Variants in DLG5 observed in about 807,000 individuals in gnomAD.
The protein encoded by DLG5 is discs large MAGUK scaffold protein 5.
DLG5 carries 48 observed loss-of-function variants against 189.8 expected under a neutral mutation model. The ratio of observed to expected loss-of-function variants is 0.25; its 90% CI spans 0.20 to 0.32. DLG5 has a LOEUF of 0.32. Ranked by LOEUF, DLG5 falls within the 10% of genes least tolerant of loss-of-function variation. DLG5 has a pLI of 1.00. For missense variants in DLG5, 2,160 were observed against 2,544.7 expected (o/e 0.85, Z 3.25); for synonymous variants, 1,016 against 1,054.1 (o/e 0.96, Z 0.70).
At chr10:77,845,721 T>C (rs933816707) in intron 5 of DLG5, among the ~76,000 whole-genome samples, 1 of 151,942 alleles carries the variant, frequency 6.6e-6, no homozygotes, top group East Asian at 1.9e-4. Context: ...TCTTTTTCCT[T>C]TATTTATTTT....
intron 17 of DLG5, 137 bp downstream of exon 17, chr10:77,819,184 G>C: frequency 7.8e-7 from 1 of 1,279,706 alleles, no homozygotes; most frequent in South Asian, 1.3e-5. Flanking sequence ...CCCTTTCCCT[G>C]TGCTGCTCTA....
At chr10:77,868,443 C>A in intron 2 of DLG5, 1 of 282,412 alleles carries the variant, frequency 3.5e-6, no homozygotes, top group Non-Finnish European at 7.0e-6. Context: ...AGGCATGTGA[C>A]TCCCCCTCCC....
At chr10:77,927,439 C>T (rs1846735743), upstream of DLG5, 1 of 152,248 alleles carries the variant, frequency 6.6e-6, no homozygotes, top group African/African-American at 2.4e-5. Context: ...TTAAGACCTC[C>T]GCCGAATCCG....
intron 26 of DLG5, 40 bp downstream of exon 26, chr10:77,806,718 A>ACGCCCC: frequency 4.5e-6 from 6 of 1,333,650 alleles, no homozygotes; most frequent in African/African-American, 1.4e-5. Context: ...GCCCTCGGCG[A>ACGCCCC]CCCCTGCCCC....
At position 77,807,840 on chromosome 10, in the gene DLG5, C is replaced by T; in HGVS notation, c.4752G>A (p.Glu1584=). 1 of 1,614,068 alleles carries T rather than the reference C, an allele frequency of 6.2e-7. No individual in the cohort carries two copies. The highest frequency in any genetic ancestry group is 8.5e-7 in the Non-Finnish European group (1 of 1,179,934). The change falls in exon 25 of 32, where the codon GAG becomes GAA. Residue 1584 remains glutamate (E), a synonymous_variant. Coordinates refer to ENST00000372391, the MANE Select transcript of DLG5 (RefSeq NM_004747.4). The part of the protein sequence containing the change: ...VRLKVQYRPE[E]FTKAKGLPGD... ...CAGGCAGGCCCTTGGCCTTCGTGAA[C>T]TCCTCAGGGCGGTACTGCACCTTCA...
At chr10:77,886,479 G>A (rs911039379) in intron 1 of DLG5, among the ~76,000 whole-genome samples, 8 of 149,778 alleles carry the variant, frequency 5.3e-5, no homozygotes, top group East Asian at 4.0e-4. Context: ...TCAACCTCCC[G>A]AGTAGCTGGG....
At chr10:77,912,660 T>G (rs1216992401) in intron 1 of DLG5, 1 of 152,258 alleles carries the variant, frequency 6.6e-6, no homozygotes, top group Non-Finnish European at 1.5e-5. Flanking sequence ...AGAGTGGTTT[T>G]TACTCGCCAC....
chr10:77,882,758 A>AC (rs2154577409), intron 1 of DLG5, among the ~76,000 whole-genome samples: 1 of 70,350 alleles, frequency 1.4e-5, no homozygotes, highest in Non-Finnish European at 2.6e-5. Flanking sequence ...CTAAAAAAAT[A>AC]CAAAAAAAAA....
At chr10:77,923,996 C>G (rs548829714) in intron 1 of DLG5, among the ~76,000 whole-genome samples, 3 of 152,248 alleles carry the variant, frequency 2.0e-5, no homozygotes, top group Admixed American at 2.0e-4. Flanking sequence ...TCCCAAGTAG[C>G]TGGGACTACA....
upstream of DLG5, chr10:77,928,567 A>G (rs1283396999): frequency 6.6e-6 from 1 of 152,218 alleles, no homozygotes; most frequent in African/African-American, 2.4e-5. Context: ...CCTTAGGGCA[A>G]CCCCAGAGCT....
intron 24 of DLG5, 120 bp from the exon 25 acceptor site, chr10:77,808,064 T>A: frequency 8.4e-7 from 1 of 1,186,906 alleles, no homozygotes; most frequent in South Asian, 1.5e-5. Flanking sequence ...ACTGAGACTC[T>A]GGCTACCTCC....
chr10:77,891,274 C>T (rs1416037426), intron 1 of DLG5, among the ~76,000 whole-genome samples: 1 of 152,170 alleles, frequency 6.6e-6, no homozygotes, highest in African/African-American at 2.4e-5. Context: ...TGGCTTCGCA[C>T]TCTGCTGTTG....
chr10:77,795,487 A>T (rs1257701390), intron 29 of DLG5, among the ~76,000 whole-genome samples: 4 of 151,990 alleles, frequency 2.6e-5, no homozygotes, highest in Non-Finnish European at 5.9e-5. Context: ...CATCTAACAG[A>T]GAAGGGAAGC....
chr10:77,899,147 C>G (rs943414117), intron 1 of DLG5, among the ~76,000 whole-genome samples: 2 of 152,206 alleles, frequency 1.3e-5, no homozygotes, highest in African/African-American at 4.8e-5. Context: ...TAACCTATCT[C>G]CCTAGTAAGG....
chr10:77,825,378 A>C (rs1054891446), intron 13 of DLG5, among the ~76,000 whole-genome samples: 2 of 112,006 alleles, frequency 1.8e-5, no homozygotes. Context: ...ACACAACCAC[A>C]CACACACACA....
intron 5 of DLG5, among the ~76,000 whole-genome samples, chr10:77,847,691 C>T (rs1843762254): frequency 6.6e-6 from 1 of 152,132 alleles, no homozygotes; most frequent in Non-Finnish European, 1.5e-5. Flanking sequence ...CACCTAACTA[C>T]AGTCAAATGT....
chr10:77,860,163 G>A (rs1844416167), intron 2 of DLG5, among the ~76,000 whole-genome samples: 2 of 152,224 alleles, frequency 1.3e-5, no homozygotes, highest in Admixed American at 1.3e-4. Flanking sequence ...GGCCCAGCAA[G>A]GTTAGGTAAT....
chr10:77,806,709 C>T, intron 26 of DLG5, 49 bp downstream of exon 26: 3 of 1,446,100 alleles, frequency 2.1e-6, no homozygotes, highest in East Asian at 2.3e-5. Flanking sequence ...TGGCTGGTGG[C>T]CCTCGGCGAC....
At chr10:77,884,212 G>A (rs1407002096) in intron 1 of DLG5, among the ~76,000 whole-genome samples, 3 of 152,148 alleles carry the variant, frequency 2.0e-5, no homozygotes, top group Admixed American at 1.3e-4. Context: ...GGGAGGACTC[G>A]GAAGCAAAGA....
Sources: gnomAD v4.1 joint callset for allele counts (sites outside exome capture counted in the v4.1 genomes callset) on GRCh38, gnomAD v4.1.1 for gene constraint, MANE v1.5 for transcripts, NCBI Gene and HGNC (gene_info 2026-07-23, HGNC 2026-07-21) for gene names.